The following MYOD1 variants were observed in gnomAD, a reference collection of about 807,000 sequenced individuals.
MYOD1 encodes the protein myogenic differentiation 1.
MYOD1 carries 15 observed loss-of-function variants against 14.9 expected under a neutral mutation model. That is an observed-to-expected ratio of 1.01 (90% CI 0.67 to 1.55). MYOD1 has a LOEUF of 1.55. MYOD1 is among the 40% of genes most tolerant of loss of function. The probability of loss-of-function intolerance (pLI) is 0.00; values close to 1 mark genes in which losing one functional copy is unlikely to be tolerated. For synonymous variants in MYOD1, 235 were observed against 218.6 expected (o/e 1.07, Z -0.66); for missense variants, 529 against 482.6 (o/e 1.10, Z -0.90).
At chr11:17,720,770 C>T in intron 1 of MYOD1, 132 bp from the exon 2 acceptor site, 1 of 1,012,186 alleles carries the variant, frequency 9.9e-7, no homozygotes, top group Non-Finnish European at 1.4e-6. Context: ...GTAATTACCC[C>T]CCCAACCAGG....
rs772507668 is a variant in MYOD1, at chr11:17,719,732, C to T, written c.-51C>T. ...AGCGGCAGAAAGTTCCGGCCACTCTCTGCCGCTTGGGTTGGGCGAAGCCAG... is the reference window on the plus strand; with the variant it reads ...AGCGGCAGAAAGTTCCGGCCACTCTTTGCCGCTTGGGTTGGGCGAAGCCAG... On this transcript the variant is annotated 5_prime_UTR_variant, in exon 1 of 3. Transcript: ENST00000250003. The T allele has an allele frequency of 6.4e-7, 1 of 1,554,642 alleles. No individual in the cohort carries two copies. The highest frequency in any genetic ancestry group is 8.7e-7 in the Non-Finnish European group (1 of 1,152,846).
chr11:17,721,194 C>T lies in MYOD1; in HGVS notation c.710-61C>T, dbSNP rs1184789860. Reference sequence around the variant, plus strand: ...CCAATCTGTCTCAAAGTACTGGGCCCGGGGGTGGGAGGCTTGTCGCGGCCC... The same window carrying T: ...CCAATCTGTCTCAAAGTACTGGGCCTGGGGGTGGGAGGCTTGTCGCGGCCC... On this transcript the variant is annotated intron_variant, in intron 2 of 2. Coordinates refer to ENST00000250003, the MANE Select transcript of MYOD1 (RefSeq NM_002478.5). The surrounding 1 kb of genome is among the most constrained non-coding windows in gnomAD (Gnocchi z 6.2). 8 of 1,457,726 alleles carry T rather than the reference C, an allele frequency of 5.5e-6. No individual in the cohort carries two copies. Among genetic ancestry groups the T allele is most frequent in the African/African-American group, 2.8e-5 (2 of 70,226 alleles). 90.3% of individuals were successfully genotyped at this position (1,457,726 alleles called of 1,614,324 possible).
Position 17,719,880 on chromosome 11 carries a change from C to G in MYOD1, c.98C>G (p.Pro33Arg), listed in dbSNP as rs1848618691. ...ACAACGGACGACTTCTATGACGACC[C>G]GTGTTTCGACTCCCCGGACCTGCGC... ...FATTDDFYDDPCFDSPDLRFF... is the reference protein window; with the variant it reads ...FATTDDFYDDRCFDSPDLRFF... Residue 33 changes from proline to arginine, a missense_variant, in exon 1 of 3, where the codon CCG (proline) becomes CGG (arginine). Physicochemically the swap from Pro to Arg is moderately radical, Grantham distance 103 (BLOSUM62 -2). Coordinates refer to ENST00000250003, the MANE Select transcript of MYOD1 (RefSeq NM_002478.5). The G allele has an allele frequency of 1.2e-6, 2 of 1,613,944 alleles. No individual in the cohort carries two copies. Among genetic ancestry groups the G allele is most frequent in the South Asian group, 1.1e-5 (1 of 91,082 alleles).
Position 17,719,890 on chromosome 11 carries a change from C to T in MYOD1, c.108C>T (p.Asp36=), listed in dbSNP as rs370376413. The change falls in exon 1 of 3, where the codon GAC becomes GAT. Residue 36 remains aspartate (D), a synonymous_variant. Transcript: ENST00000250003. Reference sequence around the variant, plus strand: ...ACTTCTATGACGACCCGTGTTTCGACTCCCCGGACCTGCGCTTCTTCGAAG... The same window carrying T: ...ACTTCTATGACGACCCGTGTTTCGATTCCCCGGACCTGCGCTTCTTCGAAG... ...TDDFYDDPCF[D]SPDLRFFEDL... 34 of 1,613,964 alleles carry T rather than the reference C, an allele frequency of 2.1e-5. No homozygotes were observed. The African/African-American group carries it at 3.9e-4, about 18-fold the overall frequency.
In MYOD1 at chr11:17,721,025, G is replaced by T; in HGVS notation, c.709+45G>T. On this transcript the variant is annotated intron_variant, in intron 2 of 2. Transcript: ENST00000250003. This position sits in a 1 kb window ranked among gnomAD's most constrained non-coding sequence, Gnocchi z 6.2. ...CCCTGCTCGCTCCTCCTCCTTCATG[G>T]AGCTGTCCTGGCCTCTATCTAGGAC... 1 of 1,533,038 alleles carries T rather than the reference G, an allele frequency of 6.5e-7. No individual in the cohort carries two copies. Among genetic ancestry groups the T allele is most frequent in the South Asian group, 1.2e-5 (1 of 80,320 alleles). 95.0% of individuals were successfully genotyped at this position (1,533,038 alleles called of 1,614,324 possible).
Position 17,721,272 on chromosome 11 carries a change from A to G in MYOD1, c.727A>G (p.Ser243Gly). The G allele has an allele frequency of 1.3e-6, 2 of 1,559,768 alleles. No homozygotes were observed. The highest frequency in any genetic ancestry group is 1.8e-5 in the Admixed American group (1 of 54,726). Residue 243 changes from serine (S) to glycine (G), a missense_variant, in exon 3 of 3, where the codon AGT becomes GGT. By Grantham distance (56) the Ser-to-Gly change is moderately conservative (BLOSUM62 0). Coordinates refer to ENST00000250003, the MANE Select transcript of MYOD1 (RefSeq NM_002478.5). The surrounding 1 kb of genome is among the most constrained non-coding windows in gnomAD (Gnocchi z 6.2). Reference sequence around the variant, plus strand: ...CCGCGCAGAACCCAGGCCCGGGAAGAGTGCGGCGGTGTCGAGCCTAGACTG... The same window carrying G: ...CCGCGCAGAACCCAGGCCCGGGAAGGGTGCGGCGGTGTCGAGCCTAGACTG... ...EAPSEPRPGKSAAVSSLDCLS... is the reference protein window; with the variant it reads ...EAPSEPRPGKGAAVSSLDCLS...
chr11:17,719,948 C>T lies in MYOD1; in HGVS notation c.166C>T (p.Leu56Phe), dbSNP rs903190052. Residue 56 changes from leucine (L) to phenylalanine (F), a missense_variant, in exon 1 of 3, where the codon CTC (leucine) becomes TTC (phenylalanine). Transcript: ENST00000250003. Reference protein sequence around the residue: ...LDPRLMHVGALLKPEEHSHFP... With the variant: ...LDPRLMHVGAFLKPEEHSHFP... ...CCCGCGCCTGATGCACGTGGGCGCG[C>T]TCCTGAAACCCGAAGAGCACTCGCA... 3 of 1,613,542 alleles carry T rather than the reference C, an allele frequency of 1.9e-6. No homozygotes were observed. The highest frequency in any genetic ancestry group is 2.7e-5 in the African/African-American group (2 of 74,924).
At chr11:17,720,776 C>T in intron 1 of MYOD1, 126 bp from the exon 2 acceptor site, 2 of 1,059,048 alleles carry the variant, frequency 1.9e-6, no homozygotes, top group Admixed American at 4.9e-5. Context: ...ACCCCCCCAA[C>T]CAGGACAGGT....
rs776829011 is a variant in MYOD1, at chr11:17,720,282, A to G, written c.500A>G (p.Gln167Arg). The G allele has an allele frequency of 9.4e-6, 15 of 1,595,710 alleles. No individual in the cohort carries two copies. The highest frequency in any genetic ancestry group is 2.3e-5 in the East Asian group (1 of 42,554). ...IEGLQALLRD[Q>R]DAAPPGAAAA... ...GGCCTGCAGGCTCTGCTGCGCGACC[A>G]GGACGCCGCGCCCCCTGGCGCCGCA... The change falls in exon 1 of 3, where the codon CAG becomes CGG. Residue 167 changes from glutamine to arginine, a missense_variant. Physicochemically the swap from Gln to Arg is conservative, Grantham distance 43. Coordinates refer to ENST00000250003, the MANE Select transcript of MYOD1 (RefSeq NM_002478.5).
rs772971443 is a variant in MYOD1, at chr11:17,721,377, T to A, written c.832T>A (p.Ser278Thr). 1 of 1,592,188 alleles carries A rather than the reference T, an allele frequency of 6.3e-7. No homozygotes were observed. Among genetic ancestry groups the A allele is most frequent in the Non-Finnish European group, 8.5e-7 (1 of 1,176,790 alleles). The change falls in exon 3 of 3, where the codon TCG (serine) becomes ACG (threonine). Residue 278 changes from serine to threonine, a missense_variant. Ser to Thr is a moderately conservative substitution (Grantham distance 58, BLOSUM62 1). Coordinates refer to ENST00000250003, the MANE Select transcript of MYOD1 (RefSeq NM_002478.5). This position sits in a 1 kb window ranked among gnomAD's most constrained non-coding sequence, Gnocchi z 6.2. ...CCTGCTGGCGGACGTGCCTTCTGAG[T>A]CGCCTCCGCGCAGGCAAGAGGCTGC... ...ALLLADVPSE[S>T]PPRRQEAAAP... is the part of the protein sequence containing the mutation.
chr11:17,720,192 C>T lies in MYOD1; in HGVS notation c.410C>T (p.Ser137Leu). The T allele has an allele frequency of 6.2e-7, 1 of 1,609,808 alleles. No homozygotes were observed. The highest frequency in any genetic ancestry group is 8.5e-7 in the Non-Finnish European group (1 of 1,178,718). The change falls in exon 1 of 3, where the codon TCG becomes TTG. Residue 137 changes from serine (S) to leucine (L), a missense_variant. Ser to Leu is a moderately radical substitution (Grantham distance 145). Coordinates refer to ENST00000250003, the MANE Select transcript of MYOD1 (RefSeq NM_002478.5). The stretch of plus-strand genomic sequence containing the variant: ...TTTGAGACACTCAAGCGCTGCACGT[C>T]GAGCAATCCAAACCAGCGGTTGCCC... ...EAFETLKRCT[S>L]SNPNQRLPKV...
In MYOD1 at chr11:17,721,066, C is replaced by G. The variant is rs1565149320; in HGVS notation, c.709+86C>G. 3.5e-6 allele frequency: 5 copies of G among 1,424,914 alleles called. No homozygotes were observed. In the Admixed American group the frequency reaches 1.1e-4, roughly 31 times the overall value. The allele number at this position is 1,424,914 out of a possible 1,614,324, so 88.3% of individuals were successfully genotyped here. A position where few individuals can be genotyped will look rare whatever the true frequency, so the allele number is the denominator to read the frequency against. ...TATCTAGGACGCTCCCACCCCCACT[C>G]ACACACGCCTATGTCCTGGGAAGTG... On this transcript the variant is annotated intron_variant, in intron 2 of 2. Coordinates refer to ENST00000250003, the MANE Select transcript of MYOD1 (RefSeq NM_002478.5). The surrounding 1 kb of genome is among the most constrained non-coding windows in gnomAD (Gnocchi z 6.2).
chr11:17,720,316 C>T lies in MYOD1; in HGVS notation c.534C>T (p.Phe178=). The T allele has an allele frequency of 6.3e-7, 1 of 1,584,700 alleles. No individual in the cohort carries two copies. Among genetic ancestry groups the T allele is most frequent in the South Asian group, 1.1e-5 (1 of 87,970 alleles). ...CGCCCCCTGGCGCCGCAGCCGCCTT[C>T]TATGCGCCGGGCCCGCTGCCCCCGG... ...DAAPPGAAAA[F]YAPGPLPPGR... Residue 178 remains phenylalanine, a synonymous_variant, in exon 1 of 3, where the codon TTC becomes TTT. Transcript: ENST00000250003.
In MYOD1 at chr11:17,719,840, C is replaced by T. The variant is rs1450909304; in HGVS notation, c.58C>T (p.Leu20Phe). ...AGACCTGACGGCCCCCGACGGCTCT[C>T]TCTGCTCCTTTGCCACAACGGACGA... is the stretch of plus-strand genomic sequence containing the variant. ...DVDLTAPDGS[L>F]CSFATTDDFY... The change falls in exon 1 of 3, where the codon CTC becomes TTC. Residue 20 changes from leucine to phenylalanine, a missense_variant. Physicochemically the swap from Leu to Phe is conservative, Grantham distance 22 (BLOSUM62 0). Transcript: ENST00000250003. 2.5e-6 allele frequency: 4 copies of T among 1,613,654 alleles called. No homozygotes were observed. The Admixed American group carries it at 5.0e-5, about 20-fold the overall frequency.
chr11:17,720,768 C>A, intron 1 of MYOD1, 134 bp from the exon 2 acceptor site: 1 of 975,530 alleles, frequency 1.0e-6, no homozygotes, highest in Non-Finnish European at 1.5e-6. Context: ...CCGTAATTAC[C>A]CCCCCAACCA....
Position 17,719,710 on chromosome 11 carries a change from G to C in MYOD1, c.-73G>C. 6.5e-7 allele frequency: 1 copy of C among 1,527,546 alleles called. No individual in the cohort carries two copies. Among genetic ancestry groups the C allele is most frequent in the Non-Finnish European group, 8.8e-7 (1 of 1,140,512 alleles). The allele number at this position is 1,527,546 out of a possible 1,614,324, so 94.6% of individuals were successfully genotyped here. The stretch of plus-strand genomic sequence containing the variant: ...CTATCTACAGCCGGGGCTCCCGAGC[G>C]GCAGAAAGTTCCGGCCACTCTCTGC... On this transcript the variant is annotated 5_prime_UTR_variant, in exon 1 of 3. Coordinates refer to ENST00000250003, the MANE Select transcript of MYOD1 (RefSeq NM_002478.5).
At position 17,721,620 on chromosome 11, in the gene MYOD1, T is replaced by C; in HGVS notation, c.*112T>C. 3 of 1,298,770 alleles carry C rather than the reference T, an allele frequency of 2.3e-6. No homozygotes were observed. The highest frequency in any genetic ancestry group is 2.7e-4 in the Middle Eastern group (1 of 3,728). 80.5% of individuals were successfully genotyped at this position (1,298,770 alleles called of 1,614,324 possible). A position where few individuals can be genotyped will look rare whatever the true frequency, so the allele number is the denominator to read the frequency against. ...AACAGCGCTTTAAAAGCGACCTCTC[T>C]TGAGGTAGGAGAGGCGGGAGAACTG... On this transcript the variant is annotated 3_prime_UTR_variant, in exon 3 of 3. Transcript: ENST00000250003. The surrounding 1 kb of genome is among the most constrained non-coding windows in gnomAD (Gnocchi z 6.2).
chr11:17,721,241 C>A lies in MYOD1; in HGVS notation c.710-14C>A. 1 of 1,525,118 alleles carries A rather than the reference C, an allele frequency of 6.6e-7. No individual in the cohort carries two copies. 94.5% of individuals were successfully genotyped at this position (1,525,118 alleles called of 1,614,324 possible). A position where few individuals can be genotyped will look rare whatever the true frequency, so the allele number is the denominator to read the frequency against. On this transcript the variant is annotated splice_polypyrimidine_tract_variant and intron_variant, in intron 2 of 2. Coordinates refer to ENST00000250003, the MANE Select transcript of MYOD1 (RefSeq NM_002478.5). The surrounding 1 kb of genome is among the most constrained non-coding windows in gnomAD (Gnocchi z 6.2). ...GCCCCACCCCTGCTTACTAACCGAGCCCTCCCCGCGCAGAACCCAGGCCCG... is the reference window on the plus strand; with the variant it reads ...GCCCCACCCCTGCTTACTAACCGAGACCTCCCCGCGCAGAACCCAGGCCCG...
rs956460167 is a variant in MYOD1, at chr11:17,721,596, A to G, written c.*88A>G. The stretch of plus-strand genomic sequence containing the variant: ...ATTGAACTTAAATGCCCCCCTCCCA[A>G]CAGCGCTTTAAAAGCGACCTCTCTT... On this transcript the variant is annotated 3_prime_UTR_variant, in exon 3 of 3. Coordinates refer to ENST00000250003, the MANE Select transcript of MYOD1 (RefSeq NM_002478.5). This position sits in a 1 kb window ranked among gnomAD's most constrained non-coding sequence, Gnocchi z 6.2. The G allele has an allele frequency of 1.4e-6, 2 of 1,415,394 alleles. No individual in the cohort carries two copies. Among genetic ancestry groups the G allele is most frequent in the African/African-American group, 2.9e-5 (2 of 68,302 alleles). 87.7% of individuals were successfully genotyped at this position (1,415,394 alleles called of 1,614,324 possible). A position where few individuals can be genotyped will look rare whatever the true frequency, so the allele number is the denominator to read the frequency against.
Sources: allele counts gnomAD v4.1 joint callset, GRCh38; gene constraint gnomAD v4.1.1; non-coding constraint Gnocchi (gnomAD v3.1); transcripts MANE v1.5; gene names NCBI Gene and HGNC (gene_info 2026-07-23, HGNC 2026-07-21).